The following ATP2B4 variants were observed in gnomAD, a reference collection of about 807,000 sequenced individuals.
ATP2B4 encodes plasma membrane calcium-transporting ATPase 4.
A neutral mutation model predicts 110.3 loss-of-function variants in ATP2B4; 39 were observed. The observed-to-expected ratio is 0.35, with a 90% confidence interval of 0.27 to 0.46. ATP2B4 has a LOEUF of 0.46. Among genes scored for constraint, ATP2B4 ranks in the 20% least tolerant of loss-of-function variants. The pLI, the probability that ATP2B4 is intolerant of heterozygous loss-of-function variation, is 1.00. For missense variants in ATP2B4, 1,135 were observed against 1,530.9 expected, an observed-to-expected ratio of 0.74 and a Z score of 4.32; for synonymous variants, 538 against 571.7, an observed-to-expected ratio of 0.94 and a Z score of 0.84.
chr1:203,653,976 TA>T (rs374281430), intron 1 of ATP2B4, among the ~76,000 whole-genome samples: 78,089 of 117,094 alleles, frequency 0.67, 27,573 homozygotes, highest in Non-Finnish European at 0.8. Flanking sequence ...TATATATATA[TA>T]TATATATATT....
chr1:203,652,630 C>A (rs1664033269), intron 1 of ATP2B4, among the ~76,000 whole-genome samples: 1 of 152,108 alleles, frequency 6.6e-6, no homozygotes, highest in Admixed American at 6.5e-5. Flanking sequence ...TTTCATGTCT[C>A]TGTGTCACAT....
intron 1 of ATP2B4, among the ~76,000 whole-genome samples, chr1:203,660,358 AAGGTAGT>A (rs1033100879): frequency 2.0e-5 from 3 of 152,196 alleles, no homozygotes; most frequent in Non-Finnish European, 2.9e-5. Context: ...GCTATCACAA[AAGGTAGT>A]AGGTTGGAAG....
At chr1:203,701,461 G>A (rs1411381219) in intron 6 of ATP2B4, among the ~76,000 whole-genome samples, 5 of 152,038 alleles carry the variant, frequency 3.3e-5, no homozygotes, top group Non-Finnish European at 7.4e-5. Context: ...GGAGAAAGAG[G>A]AGAAGATACT....
chr1:203,696,732 C>T (rs949497828), intron 2 of ATP2B4, among the ~76,000 whole-genome samples: 3 of 152,108 alleles, frequency 2.0e-5, no homozygotes, highest in Non-Finnish European at 2.9e-5. Flanking sequence ...TGGGAAAGTG[C>T]GTAGAGAGTA....
intron 2 of ATP2B4, among the ~76,000 whole-genome samples, chr1:203,689,660 A>G (rs1045684201): frequency 1.3e-5 from 2 of 152,224 alleles, no homozygotes; most frequent in Non-Finnish European, 2.9e-5. Context: ...TTTCAACAAC[A>G]TTCAACTAAT....
At chr1:203,720,188 C>T (rs1666280775) in intron 15 of ATP2B4, among the ~76,000 whole-genome samples, 1 of 152,150 alleles carries the variant, frequency 6.6e-6, no homozygotes, top group Admixed American at 6.5e-5. Context: ...GTCGGAATAA[C>T]ATGGGCTTAA....
chr1:203,698,333 C>G lies in ATP2B4; in HGVS notation c.370C>G (p.Pro124Ala). The G allele has an allele frequency of 1.2e-6, 2 of 1,614,104 alleles. 1 individual carries two copies. Among genetic ancestry groups the G allele is most frequent in the South Asian group, 2.2e-5 (2 of 91,078 alleles). The change falls in exon 3 of 21, where the codon CCT (proline) becomes GCT (alanine). Residue 124 changes from proline (P) to alanine (A), a missense_variant. Coordinates refer to ENST00000357681, the MANE Select transcript of ATP2B4 (RefSeq NM_001684.5). Reference protein sequence around the residue: ...IISLVLSFYRPAGEENELCGQ... With the variant: ...IISLVLSFYRAAGEENELCGQ... ...CTCCCTGGTCCTGTCCTTTTATCGC[C>G]CTGCTGGTGAAGAAAATGAACGTGA...
intron 1 of ATP2B4, among the ~76,000 whole-genome samples, chr1:203,656,423 G>A (rs1471013140): frequency 6.6e-6 from 1 of 152,012 alleles, no homozygotes; most frequent in Non-Finnish European, 1.5e-5. Flanking sequence ...GTAAATGGAA[G>A]AAAAAAATGT....
At chr1:203,654,344 A>G (rs1001289216) in intron 1 of ATP2B4, among the ~76,000 whole-genome samples, 1 of 152,166 alleles carries the variant, frequency 6.6e-6, no homozygotes, top group African/African-American at 2.4e-5. Context: ...ACTACTGCTC[A>G]TTGACAATGT....
intron 1 of ATP2B4, among the ~76,000 whole-genome samples, chr1:203,643,813 G>A (rs1178079886): frequency 6.6e-6 from 1 of 152,186 alleles, no homozygotes; most frequent in African/African-American, 2.4e-5. Context: ...GAGATGCAGC[G>A]ACTTGTTGGT....
At chr1:203,632,689 T>A (rs1663307817) in intron 1 of ATP2B4, among the ~76,000 whole-genome samples, 4 of 150,502 alleles carry the variant, frequency 2.7e-5, no homozygotes, top group Admixed American at 2.6e-4. Flanking sequence ...TATATTCATA[T>A]TTTAAGTAAA....
At chr1:203,676,688 G>A (rs1398688959) in intron 1 of ATP2B4, among the ~76,000 whole-genome samples, 1 of 152,152 alleles carries the variant, frequency 6.6e-6, no homozygotes, top group African/African-American at 2.4e-5. Flanking sequence ...GGGGAGCAAG[G>A]CCAAGAGCAT....
At chr1:203,668,145 C>T (rs1418046676) in intron 1 of ATP2B4, among the ~76,000 whole-genome samples, 2 of 152,166 alleles carry the variant, frequency 1.3e-5, no homozygotes, top group Non-Finnish European at 2.9e-5. Flanking sequence ...TATGTCTATT[C>T]CCCACCATGC....
At chr1:203,637,195 G>A (rs1663468542) in intron 1 of ATP2B4, among the ~76,000 whole-genome samples, 1 of 152,166 alleles carries the variant, frequency 6.6e-6, no homozygotes, top group Non-Finnish European at 1.5e-5. Flanking sequence ...ACTTTGGAAG[G>A]CCGAGGCAGG....
intron 20 of ATP2B4, 57 bp from the exon 21 acceptor site, chr1:203,739,489 G>T: frequency 1.3e-6 from 2 of 1,531,598 alleles, no homozygotes; most frequent in South Asian, 2.5e-5. Context: ...TCCTTGTTCT[G>T]CCGGCCAATT....
intron 2 of ATP2B4, among the ~76,000 whole-genome samples, chr1:203,690,189 G>A (rs527673764): frequency 3.9e-5 from 6 of 152,244 alleles, no homozygotes; most frequent in South Asian, 4.1e-4. Context: ...CTGTGTTCCC[G>A]TCACTGTGCC....
rs1312061828 is a variant in ATP2B4 at position 203,716,616 on chromosome 1, C to T, written c.2406+2339C>T. Among the ~76,000 whole-genome samples the T allele has an allele frequency of 1.4e-5, 2 of 145,074 alleles. 1 individual carries two copies. Reference sequence around the variant, plus strand: ...GCAAGCATTCCTTCCTAAGGACAGTCGTCTCAGGCCTGCTGTGTTAACTCT... The same window carrying T: ...GCAAGCATTCCTTCCTAAGGACAGTTGTCTCAGGCCTGCTGTGTTAACTCT... On this transcript the variant is annotated intron_variant, in intron 15 of 20. Coordinates refer to ENST00000357681, the MANE Select transcript of ATP2B4 (RefSeq NM_001684.5).
chr1:203,685,204 T>G (rs1399111845), intron 2 of ATP2B4, among the ~76,000 whole-genome samples: 1 of 152,232 alleles, frequency 6.6e-6, no homozygotes, highest in Non-Finnish European at 1.5e-5. Flanking sequence ...AAATTCAGCT[T>G]CAGGCTTTGG....
Position 203,740,119 on chromosome 1 carries a change from CA to C in ATP2B4, c.*266del, listed in dbSNP as rs2102245072. On this transcript the variant is annotated 3_prime_UTR_variant, in exon 21 of 21. Transcript: ENST00000357681. ...AATCTACTCCTTGGTAGTCACTTGT[CA>C]TTTTTAAAGAAATGATGACAATCCT... 1 of 413,808 alleles carries C rather than the reference CA, an allele frequency of 2.4e-6. No individual in the cohort carries two copies. The highest frequency in any genetic ancestry group is 4.0e-5 in the East Asian group (1 of 24,870). 25.6% of individuals were successfully genotyped at this position (413,808 alleles called of 1,614,324 possible).
Sources: allele counts gnomAD v4.1 joint callset (sites outside exome capture counted in the v4.1 genomes callset), GRCh38; gene constraint gnomAD v4.1.1; transcripts MANE v1.5; gene names NCBI Gene and HGNC (gene_info 2026-07-23, HGNC 2026-07-21).